MCM8: variants seen among roughly 807,000 people sequenced by gnomAD.
The protein encoded by MCM8 is minichromosome maintenance 8 homologous recombination repair factor, also known as DNA helicase MCM8.
MCM8 carries 85 observed loss-of-function variants against 98.9 expected under a neutral mutation model. The ratio of observed to expected loss-of-function variants is 0.86; its 90% CI spans 0.72 to 1.03. The LOEUF (loss-of-function observed/expected upper bound fraction) is 1.03. Among genes scored for constraint, MCM8 ranks in the 50% least tolerant of loss-of-function variants. MCM8 has a pLI of 0.00. For missense variants in MCM8, 951 were observed against 997.8 expected (o/e 0.95, Z 0.63); for synonymous variants, 352 against 338.6 (o/e 1.04, Z -0.44).
In MCM8 at chr20:5,983,005, A is replaced by T. The variant is rs764431651; in HGVS notation, c.1573A>T (p.Asn525Tyr). The T allele has an allele frequency of 1.9e-6, 3 of 1,613,356 alleles. No individual in the cohort carries two copies. The highest frequency in any genetic ancestry group is 2.5e-6 in the Non-Finnish European group (3 of 1,179,886). Residue 525 changes from asparagine to tyrosine, a missense_variant, in exon 14 of 19, where the codon AAT (asparagine) becomes TAT (tyrosine). Transcript: ENST00000610722. ...AATCGATGAATTTGATAAGATGGGG[A>T]ATCAACATCAAGCCTTGTTGGAAGC... The part of the protein sequence containing the change: ...CGIDEFDKMG[N>Y]QHQALLEAME...
At chr20:5,963,099 T>C (rs1481851264) in intron 7 of MCM8, among the ~76,000 whole-genome samples, 175 bp from the exon 8 acceptor site, 1 of 152,210 alleles carries the variant, frequency 6.6e-6, no homozygotes, top group Non-Finnish European at 1.5e-5. Context: ...GCTGTCGATA[T>C]TAAATTGTTG....
rs199697582 is a variant in MCM8 at position 5,977,905 on chromosome 20, G to A, written c.1425G>A (p.Val475=). ...CGTGCAATGTTGCCCCACGTGGCGT[G>A]TATGTTTGTGGTAACACCACGACCA... ...QAACNVAPRG[V]YVCGNTTTTS... The change falls in exon 13 of 19, where the codon GTG becomes GTA. Residue 475 remains valine, a synonymous_variant. Coordinates refer to ENST00000610722, the MANE Select transcript of MCM8 (RefSeq NM_032485.6). 2.3e-5 allele frequency: 37 copies of A among 1,614,210 alleles called. No individual in the cohort carries two copies. The Middle Eastern group carries it at 4.9e-4, about 22-fold the overall frequency.
chr20:5,979,557 CATT>C lies in MCM8; in HGVS notation c.1537+1543_1537+1545del, dbSNP rs368702116. Among the ~76,000 whole-genome samples, 328 of 152,302 alleles carry C rather than the reference CATT, an allele frequency of 2.2e-3. 6 individuals are homozygous for C. Among genetic ancestry groups the C allele is most frequent in the African/African-American group, 7.7e-3 (319 of 41,568 alleles). ...CCTCATCTCAGTAAATGACAACTCT[CATT>C]ATAATTGCTCAAATCAGAAAACACG... On this transcript the variant is annotated intron_variant, in intron 13 of 18. Transcript: ENST00000610722.
At chr20:5,959,247 A>C (rs544095614) in intron 7 of MCM8, among the ~76,000 whole-genome samples, 2 of 152,350 alleles carry the variant, frequency 1.3e-5, no homozygotes, top group East Asian at 1.9e-4. Context: ...GCAAATATTA[A>C]TATTATTTTA....
chr20:5,959,112 ATTTC>A (rs572150722), intron 7 of MCM8, among the ~76,000 whole-genome samples: 148 of 151,944 alleles, frequency 9.7e-4, no homozygotes, highest in African/African-American at 3.5e-3. Context: ...TTTCCCCTTT[ATTTC>A]TTCTACTATT....
rs913367711 is a variant in MCM8 at position 5,959,368 on chromosome 20, A to G, written c.789+642A>G. On this transcript the variant is annotated intron_variant, in intron 7 of 18. Transcript: ENST00000610722. ...AACCACTATGCTGAAATTGGCATGT[A>G]TTCTTCAAGTTTACATTTTTATTCT... Among the ~76,000 whole-genome samples the G allele has an allele frequency of 3.9e-5, 6 of 152,302 alleles. No individual in the cohort carries two copies. In the South Asian group the frequency reaches 8.3e-4, roughly 21 times the overall value.
Position 5,973,391 on chromosome 20 carries a change from C to T in MCM8, c.1395+195C>T, listed in dbSNP as rs2089445406. 2.0e-5 allele frequency among the ~76,000 whole-genome samples: 3 copies of T among 152,224 alleles called. No individual in the cohort carries two copies. In the South Asian group the frequency reaches 6.2e-4, roughly 32 times the overall value. On this transcript the variant is annotated intron_variant, in intron 12 of 18. Transcript: ENST00000610722. The stretch of plus-strand genomic sequence containing the variant: ...TTTAAATTGAGCCAGTCTCCTGTTA[C>T]AGAGGCTGTACAAACATCTTGGTCT...
intron 17 of MCM8, among the ~76,000 whole-genome samples, chr20:5,989,120 C>CTT (rs1172678780): frequency 5.0e-5 from 6 of 120,344 alleles, no homozygotes; most frequent in Admixed American, 8.4e-5. Flanking sequence ...TAGCGCAAGT[C>CTT]TTTTTTTTTT....
rs113102384 is a variant in MCM8 at position 5,952,386 on chromosome 20, ACT to A, written c.149-35_149-34del. On this transcript the variant is annotated intron_variant, in intron 2 of 18. Coordinates refer to ENST00000610722, the MANE Select transcript of MCM8 (RefSeq NM_032485.6). ...AGAGAAGCATATTGGAAAAATGTTC[ACT>A]CTGTTTCTACTAACCTAGTATTTTA... is the stretch of plus-strand genomic sequence containing the variant. 9,533 of 1,600,644 alleles carry A rather than the reference ACT, an allele frequency of 6.0e-3. 257 individuals are homozygous for A. The African/African-American group carries it at 0.078, about 13-fold the overall frequency.
chr20:5,976,901 A>T (rs2089522474), intron 12 of MCM8, among the ~76,000 whole-genome samples: 3 of 152,206 alleles, frequency 2.0e-5, no homozygotes. Context: ...GCTGTGAGCT[A>T]GGATTGTGCC....
At chr20:5,975,807 T>C (rs1172861044) in intron 12 of MCM8, among the ~76,000 whole-genome samples, 1 of 151,896 alleles carries the variant, frequency 6.6e-6, no homozygotes, top group Non-Finnish European at 1.5e-5. Flanking sequence ...TTTTTTTTTT[T>C]TAATAAATGT....
At position 5,973,396 on chromosome 20, in the gene MCM8, G is replaced by C. The variant is rs1389969717; in HGVS notation, c.1395+200G>C. On this transcript the variant is annotated intron_variant, in intron 12 of 18. Coordinates refer to ENST00000610722, the MANE Select transcript of MCM8 (RefSeq NM_032485.6). ...ATTGAGCCAGTCTCCTGTTACAGAG[G>C]CTGTACAAACATCTTGGTCTGTTGA... 3.3e-5 allele frequency among the ~76,000 whole-genome samples: 5 copies of C among 152,196 alleles called. No individual in the cohort carries two copies. The East Asian group carries it at 9.6e-4, about 29-fold the overall frequency.
At chr20:5,977,472 A>G (rs2089535675) in intron 12 of MCM8, among the ~76,000 whole-genome samples, 2 of 152,370 alleles carry the variant, frequency 1.3e-5, no homozygotes, top group African/African-American at 2.4e-5. Flanking sequence ...GTGAGCATGT[A>G]TTAAGTCACT....
At chr20:5,966,806 T>C (rs958636433) in intron 8 of MCM8, among the ~76,000 whole-genome samples, 32 of 152,224 alleles carry the variant, frequency 2.1e-4, no homozygotes, top group South Asian at 8.3e-4. Context: ...ATATTCTCAC[T>C]GCACAGTTTA....
chr20:5,970,135 C>T lies in MCM8; in HGVS notation c.1224-1872C>T, dbSNP rs929293279. Among the ~76,000 whole-genome samples, 75 of 152,128 alleles carry T rather than the reference C, an allele frequency of 4.9e-4. 1 individual carries two copies. Among genetic ancestry groups the T allele is most frequent in the Admixed American group, 4.4e-3 (67 of 15,276 alleles). ...AGTCAAATTTTATTAAAACACAGCC[C>T]CACCCAGTTTACTTACATTACTGTT... On this transcript the variant is annotated intron_variant, in intron 10 of 18. Coordinates refer to ENST00000610722, the MANE Select transcript of MCM8 (RefSeq NM_032485.6).
intron 12 of MCM8, among the ~76,000 whole-genome samples, chr20:5,976,560 G>A (rs941151297): frequency 3.9e-5 from 6 of 152,168 alleles, no homozygotes; most frequent in Admixed American, 1.3e-4. Context: ...GGTTACAAAT[G>A]CAGTTACAAA....
intron 8 of MCM8, among the ~76,000 whole-genome samples, chr20:5,965,916 G>A (rs927027654): frequency 5.3e-5 from 8 of 152,058 alleles, no homozygotes; most frequent in African/African-American, 1.9e-4. Context: ...TGGATCAGTA[G>A]TTCTCCAGAC....
At chr20:5,951,913 C>G (rs764237394) in intron 1 of MCM8, 98 bp from the exon 2 acceptor site, 22 of 1,353,694 alleles carry the variant, frequency 1.6e-5, no homozygotes, top group Non-Finnish European at 2.0e-5. Context: ...ACTCTTGAAC[C>G]TAGAATACAT....
At chr20:5,986,162 T>C in intron 16 of MCM8, 31 bp downstream of exon 16, 5 of 1,605,702 alleles carry the variant, frequency 3.1e-6, no homozygotes, top group Non-Finnish European at 3.4e-6. Context: ...ATGCTTTTTT[T>C]GGCTTAAAGG....
Sources: allele counts gnomAD v4.1 joint callset (sites outside exome capture counted in the v4.1 genomes callset), GRCh38; gene constraint gnomAD v4.1.1; transcripts MANE v1.5; gene names NCBI Gene and HGNC (gene_info 2026-07-23, HGNC 2026-07-21).